Variants in ACACA observed in about 807,000 individuals in gnomAD.
ACACA encodes acetyl-CoA carboxylase 1.
Under a neutral mutation model 296.1 loss-of-function variants are expected in ACACA, and 103 were observed. That is an observed-to-expected ratio of 0.35 (90% CI 0.30 to 0.41). The LOEUF (loss-of-function observed/expected upper bound fraction) is 0.41. ACACA is among the 10% of genes least tolerant of loss of function. ACACA has a pLI of 1.00. For missense variants in ACACA, 1,554 were observed against 2,989.7 expected (o/e 0.52, Z 11.20); for synonymous variants, 953 against 1,038.6 (o/e 0.92, Z 1.58).
chr17:37,145,122 T>C (rs2075758860), intron 45 of ACACA, among the ~76,000 whole-genome samples: 1 of 151,978 alleles, frequency 6.6e-6, no homozygotes, highest in Non-Finnish European at 1.5e-5. Context: ...TACTAATACT[T>C]TTACCAGGAA....
At chr17:37,372,969 C>T (rs2049860981) in intron 1 of ACACA, among the ~76,000 whole-genome samples, 1 of 152,012 alleles carries the variant, frequency 6.6e-6, no homozygotes, top group Non-Finnish European at 1.5e-5. Flanking sequence ...CAACCTCCGC[C>T]TCCCGGGTTC....
intron 42 of ACACA, among the ~76,000 whole-genome samples, chr17:37,158,373 A>C (rs1289826723): frequency 6.6e-6 from 1 of 152,124 alleles, no homozygotes; most frequent in Admixed American, 6.5e-5. Context: ...TCACACCTCT[A>C]ATTCCTGCAC....
intron 1 of ACACA, among the ~76,000 whole-genome samples, chr17:37,371,773 G>A (rs1189756583): frequency 1.3e-5 from 2 of 152,044 alleles, no homozygotes; most frequent in Middle Eastern, 3.4e-3. Context: ...GGTGATGGGC[G>A]CTTGTAATCC....
At chr17:37,312,387 T>A (rs1878942) in intron 3 of ACACA, among the ~76,000 whole-genome samples, 11,445 of 152,276 alleles carry the variant, frequency 0.075, 543 homozygotes, top group East Asian at 0.19. Context: ...CCTCCACCAC[T>A]TATTAGGTAG....
At position 37,171,683 on chromosome 17, in the gene ACACA, A is replaced by ATT. The variant is rs2076889047; in HGVS notation, c.5079+7576_5079+7577insAA. On this transcript the variant is annotated intron_variant, in intron 41 of 55. Transcript: ENST00000616317. ...GCGATAAAAGGGTAAGAAAAATATA[A>ATT]CTTAGAGCAAAAAATTTTCATCCCA... Among the ~76,000 whole-genome samples, 5 of 127,934 alleles carry ATT rather than the reference A, an allele frequency of 3.9e-5. No homozygotes were observed. The East Asian group carries it at 1.1e-3, about 28-fold the overall frequency. 83.9% of individuals were successfully genotyped at this position (127,934 alleles called of 152,430 possible). A position where few individuals can be genotyped will look rare whatever the true frequency, so the allele number is the denominator to read the frequency against.
intron 19 of ACACA, among the ~76,000 whole-genome samples, chr17:37,245,851 A>G (rs2080671081): frequency 6.6e-6 from 1 of 152,184 alleles, no homozygotes; most frequent in Admixed American, 6.5e-5. Flanking sequence ...GTGAAAACTT[A>G]CTAGTATGGT....
chr17:37,338,226 CAAAAAAA>C (rs564232257), intron 2 of ACACA, among the ~76,000 whole-genome samples: 1 of 67,444 alleles, frequency 1.5e-5, no homozygotes, highest in Non-Finnish European at 3.4e-5. Context: ...GACTCCGTCT[CAAAAAAA>C]AAAAAAAAAA....
chr17:37,090,319 G>A (rs949855706), intron 54 of ACACA, among the ~76,000 whole-genome samples: 1 of 152,158 alleles, frequency 6.6e-6, no homozygotes. Flanking sequence ...AGTTGTGACT[G>A]GTTATTTAAT....
chr17:37,242,840 C>T (rs2080486408), intron 22 of ACACA, among the ~76,000 whole-genome samples: 2 of 152,182 alleles, frequency 1.3e-5, no homozygotes, highest in Non-Finnish European at 2.9e-5. Flanking sequence ...AGATCGAGAC[C>T]ATCCTGGCCA....
rs1169016187 is a variant in ACACA at position 37,397,133 on chromosome 17, C to T, written c.38+9129G>A. Among the ~76,000 whole-genome samples, 6 of 151,214 alleles carry T rather than the reference C, an allele frequency of 4.0e-5. No homozygotes were observed. The South Asian group carries it at 1.0e-3, about 26-fold the overall frequency. ...ATTTCCACCTATGAGTGAGAACATGCGATGTTTGGTTTTCTGTCCTTGCGA... is the reference window on the plus strand; with the variant it reads ...ATTTCCACCTATGAGTGAGAACATGTGATGTTTGGTTTTCTGTCCTTGCGA... On this transcript the variant is annotated intron_variant, in intron 1 of 55. Transcript: ENST00000616317.
chr17:37,302,623 C>T (rs1398624314), intron 3 of ACACA, among the ~76,000 whole-genome samples: 3 of 152,154 alleles, frequency 2.0e-5, no homozygotes, highest in Non-Finnish European at 4.4e-5. Flanking sequence ...AGCAATGTTC[C>T]ACAAGTTTTA....
chr17:37,140,377 A>G (rs2075515966), intron 45 of ACACA, among the ~76,000 whole-genome samples: 1 of 152,142 alleles, frequency 6.6e-6, no homozygotes, highest in Non-Finnish European at 1.5e-5. Flanking sequence ...ATGTAATTTT[A>G]TATATAATAC....
At position 37,240,530 on chromosome 17, in the gene ACACA, C is replaced by T. The variant is rs1374590049; in HGVS notation, c.3067G>A (p.Val1023Met). 4 of 1,613,696 alleles carry T rather than the reference C, an allele frequency of 2.5e-6. No individual in the cohort carries two copies. The highest frequency in any genetic ancestry group is 1.7e-5 in the Admixed American group (1 of 60,006). The change falls in exon 24 of 56, where the codon GTG (valine) becomes ATG (methionine). Residue 1023 changes from valine (V) to methionine (M), a missense_variant. Physicochemically the swap from Val to Met is conservative, Grantham distance 21. Transcript: ENST00000616317. The stretch of plus-strand genomic sequence containing the variant: ...TACTGCCGGAGCAGATCCATCACCA[C>T]AGCCTTCATGTGGCCTCGGATGCCA... ...RSGIRGHMKA[V>M]VMDLLRQYLR...
chr17:37,299,647 G>A, intron 3 of ACACA: 1 of 1,122,864 alleles, frequency 8.9e-7, no homozygotes, highest in Non-Finnish European at 1.1e-6. Flanking sequence ...AAATATAAAA[G>A]CTTGTTTAAC....
Position 37,243,333 on chromosome 17 carries a change from G to A in ACACA, c.2931+38C>T. The stretch of plus-strand genomic sequence containing the variant: ...ATCCTACAACATAAACTCTGGCATT[G>A]GTAGCCAGAAAAAAATATAGTGTTA... On this transcript the variant is annotated intron_variant, in intron 22 of 55. Transcript: ENST00000616317. 3.2e-6 allele frequency: 5 copies of A among 1,575,792 alleles called. No individual in the cohort carries two copies. In the South Asian group the frequency reaches 5.5e-5, roughly 17 times the overall value.
intron 1 of ACACA, among the ~76,000 whole-genome samples, chr17:37,405,506 C>T (rs1332001183): frequency 1.3e-5 from 2 of 152,104 alleles, no homozygotes; most frequent in Non-Finnish European, 2.9e-5. Flanking sequence ...GGGTACATAC[C>T]AAAATGTTAA....
At chr17:37,100,729 A>G (rs548099023) in intron 52 of ACACA, among the ~76,000 whole-genome samples, 3 of 152,002 alleles carry the variant, frequency 2.0e-5, no homozygotes, top group Non-Finnish European at 2.9e-5. Context: ...ACAGTTCTTG[A>G]TTTTGATAAA....
intron 8 of ACACA, among the ~76,000 whole-genome samples, chr17:37,275,732 C>A (rs60727096): frequency 0.011 from 1,745 of 152,172 alleles, 40 homozygotes; most frequent in African/African-American, 0.038. Context: ...CACAAGATCA[C>A]TCCAGATCAC....
At chr17:37,384,789 C>T (rs1243375431) in intron 1 of ACACA, among the ~76,000 whole-genome samples, 1 of 152,180 alleles carries the variant, frequency 6.6e-6, no homozygotes, top group African/African-American at 2.4e-5. Context: ...ATCACCTCTT[C>T]CCCTATGATT....
Sources: gnomAD v4.1 joint callset for allele counts (sites outside exome capture counted in the v4.1 genomes callset) on GRCh38, gnomAD v4.1.1 for gene constraint, MANE v1.5 for transcripts, NCBI Gene and HGNC (gene_info 2026-07-23, HGNC 2026-07-21) for gene names.